Variants in LARGE1 observed in about 807,000 individuals in gnomAD.
LARGE1 encodes the protein xylosyl- and glucuronyltransferase LARGE1.
LARGE1 carries 43 observed loss-of-function variants against 87.6 expected under a neutral mutation model. The ratio of observed to expected loss-of-function variants is 0.49; its 90% confidence interval spans 0.38 to 0.63. LARGE1 has a LOEUF of 0.63. LARGE1 is among the 30% of genes least tolerant of loss of function. The probability of loss-of-function intolerance (pLI) is 0.00; values close to 1 mark genes in which losing one functional copy is unlikely to be tolerated. For missense variants in LARGE1, 802 were observed against 1,000.2 expected (o/e 0.80, Z 2.67); for synonymous variants, 434 against 394.6 (o/e 1.10, Z -1.18).
intron 2 of LARGE1, chr22:33,657,053 G>A (rs1490355013): frequency 1.3e-5 from 2 of 152,200 alleles, no homozygotes; most frequent in South Asian, 2.1e-4. Context: ...GGTACTGCAT[G>A]TGGGATCCAC....
intron 6 of LARGE1, among the ~76,000 whole-genome samples, chr22:33,548,249 C>T (rs1002785634): frequency 3.3e-5 from 5 of 152,172 alleles, no homozygotes; most frequent in Non-Finnish European, 7.4e-5. Context: ...CGCTCTTTTG[C>T]TTTTGCTTCT....
At chr22:33,329,044 C>T (rs1937481423) in intron 10 of LARGE1, among the ~76,000 whole-genome samples, 1 of 152,126 alleles carries the variant, frequency 6.6e-6, no homozygotes, top group Admixed American at 6.5e-5. Context: ...GGTCTTAGAA[C>T]AGCACAAAGA....
At chr22:33,596,765 A>C (rs1162390969) in intron 5 of LARGE1, among the ~76,000 whole-genome samples, 2 of 152,240 alleles carry the variant, frequency 1.3e-5, no homozygotes, top group African/African-American at 2.4e-5. Flanking sequence ...CACATTAGGA[A>C]CAAAAAGAAG....
At chr22:33,690,253 T>C (rs754719522) in intron 2 of LARGE1, among the ~76,000 whole-genome samples, 4 of 152,240 alleles carry the variant, frequency 2.6e-5, no homozygotes, top group Admixed American at 2.6e-4. Flanking sequence ...AAGTAACAGC[T>C]ACGTGACCTT....
At chr22:33,788,436 C>G (rs1435074906) in intron 1 of LARGE1, among the ~76,000 whole-genome samples, 5 of 152,032 alleles carry the variant, frequency 3.3e-5, no homozygotes, top group Non-Finnish European at 7.4e-5. Flanking sequence ...TGGGGTGCTG[C>G]AATAAAGATA....
At chr22:33,825,970 G>A (rs925405194) in intron 1 of LARGE1, among the ~76,000 whole-genome samples, 4 of 152,152 alleles carry the variant, frequency 2.6e-5, no homozygotes, top group Non-Finnish European at 5.9e-5. Context: ...GGGCAGTGCT[G>A]AAGACATACA....
At chr22:33,463,404 G>A (rs1255045484) in intron 6 of LARGE1, among the ~76,000 whole-genome samples, 1 of 152,018 alleles carries the variant, frequency 6.6e-6, no homozygotes, top group African/African-American at 2.4e-5. Flanking sequence ...AATTATACAA[G>A]ATGTACAAGA....
At chr22:33,882,111 C>T (rs543154032) in intron 1 of LARGE1, among the ~76,000 whole-genome samples, 173 of 148,626 alleles carry the variant, frequency 1.2e-3, no homozygotes, top group African/African-American at 4.2e-3. Context: ...GGCACGATCT[C>T]GGCTCACCGC....
chr22:33,438,247 C>T (rs1244330051), intron 6 of LARGE1, among the ~76,000 whole-genome samples: 3 of 152,072 alleles, frequency 2.0e-5, no homozygotes, highest in Admixed American at 6.6e-5. Context: ...CCAGGGGATT[C>T]CTTGGGGGAG....
chr22:33,587,511 A>G (rs949764771), intron 5 of LARGE1, among the ~76,000 whole-genome samples: 14 of 151,832 alleles, frequency 9.2e-5, no homozygotes, highest in African/African-American at 3.4e-4. Flanking sequence ...TACCATTTGC[A>G]TTTTTTTGCG....
chr22:33,675,286 C>T lies in LARGE1; in HGVS notation c.107-24618G>A, dbSNP rs556399262. Among the ~76,000 whole-genome samples, 34 of 32,052 alleles carry T rather than the reference C, an allele frequency of 1.1e-3. No individual in the cohort carries two copies. The East Asian group carries it at 0.023, about 22-fold the overall frequency. 21.0% of individuals were successfully genotyped at this position (32,052 alleles called of 152,430 possible). A position where few individuals can be genotyped will look rare whatever the true frequency, so the allele number is the denominator to read the frequency against. ...TCCAGCCTGGGCAACAAGAGCGAAA[C>T]TCCATCAAAAAAAAAAAAAAAAAAA... On this transcript the variant is annotated intron_variant, in intron 2 of 14. Transcript: ENST00000397394.
At chr22:33,551,655 G>C (rs2077524088) in intron 6 of LARGE1, among the ~76,000 whole-genome samples, 1 of 152,098 alleles carries the variant, frequency 6.6e-6, no homozygotes, top group Admixed American at 6.6e-5. Context: ...TTGCCTCAAG[G>C]GATTTGTTTA....
chr22:33,277,877 C>T (rs1298001147), intron 13 of LARGE1, among the ~76,000 whole-genome samples: 2 of 152,170 alleles, frequency 1.3e-5, no homozygotes, highest in Non-Finnish European at 2.9e-5. Context: ...TGTCATTTCT[C>T]AGGAATTGAC....
chr22:33,232,547 T>C (rs1330932842), intron 11 of LARGE1, among the ~76,000 whole-genome samples: 1 of 152,216 alleles, frequency 6.6e-6, no homozygotes, highest in East Asian at 1.9e-4. Flanking sequence ...GACTAAAGAT[T>C]AGCTTAAAAT....
intron 1 of LARGE1, among the ~76,000 whole-genome samples, chr22:33,863,151 A>T (rs775460494): frequency 2.0e-5 from 3 of 152,100 alleles, no homozygotes; most frequent in Non-Finnish European, 4.4e-5. Context: ...TTTAGGGTTC[A>T]AGTCTCAGCT....
chr22:33,501,935 G>A (rs2070458915), intron 6 of LARGE1, among the ~76,000 whole-genome samples: 1 of 152,182 alleles, frequency 6.6e-6, no homozygotes, highest in Non-Finnish European at 1.5e-5. Context: ...GCTCACGCTT[G>A]TAATCCCAGC....
intron 2 of LARGE1, among the ~76,000 whole-genome samples, chr22:33,674,100 C>T (rs1014419600): frequency 6.6e-6 from 1 of 151,984 alleles, no homozygotes; most frequent in Non-Finnish European, 1.5e-5. Context: ...TGAGCCACTG[C>T]ACCCCGCTAA....
intron 10 of LARGE1, among the ~76,000 whole-genome samples, chr22:33,328,610 A>G (rs964141204): frequency 3.3e-5 from 5 of 150,234 alleles, no homozygotes; most frequent in African/African-American, 1.2e-4. Flanking sequence ...ATAATAATAA[A>G]ATAAAACAAA....
intron 6 of LARGE1, among the ~76,000 whole-genome samples, chr22:33,501,217 A>G (rs1388088342): frequency 1.3e-5 from 2 of 152,228 alleles, no homozygotes; most frequent in Non-Finnish European, 2.9e-5. Flanking sequence ...AAGCTAATGT[A>G]GCTTTTCTTG....
Sources: allele counts gnomAD v4.1 joint callset (sites outside exome capture counted in the v4.1 genomes callset), GRCh38; gene constraint gnomAD v4.1.1; transcripts MANE v1.5; gene names NCBI Gene and HGNC (gene_info 2026-07-23, HGNC 2026-07-21).